The following CDKAL1 variants were observed in gnomAD, a reference collection of about 807,000 sequenced individuals.
CDKAL1 encodes the protein CDKAL1 threonylcarbamoyladenosine tRNA methylthiotransferase.
CDKAL1 carries 32 observed loss-of-function variants against 68.2 expected under a neutral mutation model. The observed-to-expected ratio is 0.47, with a 90% CI of 0.35 to 0.63. The LOEUF is 0.63. Ranked by LOEUF, CDKAL1 falls within the 30% of genes least tolerant of loss-of-function variation. The probability of loss-of-function intolerance (pLI) is 0.00; values close to 1 mark genes in which losing one functional copy is unlikely to be tolerated. For missense variants in CDKAL1, 606 were observed against 696.7 expected (o/e 0.87, Z 1.47); for synonymous variants, 234 against 244.3 (o/e 0.96, Z 0.39).
chr6:20,663,945 G>T (rs1463289602), intron 5 of CDKAL1, among the ~76,000 whole-genome samples: 1 of 151,774 alleles, frequency 6.6e-6, no homozygotes, highest in Non-Finnish European at 1.5e-5. Context: ...CACTAAGATG[G>T]AAATTTAATG....
intron 4 of CDKAL1, among the ~76,000 whole-genome samples, chr6:20,602,780 T>C (rs1581800107): frequency 6.6e-6 from 1 of 152,326 alleles, no homozygotes; most frequent in Non-Finnish European, 1.5e-5. Context: ...TTTTCTGGGC[T>C]GGGTTTGGAG....
chr6:20,650,483 A>C (rs550393417), intron 5 of CDKAL1, among the ~76,000 whole-genome samples: 223 of 152,226 alleles, frequency 1.5e-3, no homozygotes, highest in African/African-American at 5.1e-3. Context: ...GATAGATTGC[A>C]AAAATTTTCT....
At chr6:20,930,270 A>G (rs1581851491) in intron 9 of CDKAL1, among the ~76,000 whole-genome samples, 1 of 146,950 alleles carries the variant, frequency 6.8e-6, no homozygotes, top group Non-Finnish European at 1.5e-5. Context: ...AAAAAAAAAA[A>G]TTAACTTGTT....
chr6:20,885,685 A>G (rs900836656), intron 9 of CDKAL1, among the ~76,000 whole-genome samples: 2 of 152,208 alleles, frequency 1.3e-5, no homozygotes, highest in African/African-American at 4.8e-5. Context: ...ACTGTCATGT[A>G]TCAAAGGATA....
chr6:20,921,461 G>C (rs887343982), intron 9 of CDKAL1, among the ~76,000 whole-genome samples: 2 of 152,064 alleles, frequency 1.3e-5, no homozygotes, highest in Non-Finnish European at 2.9e-5. Flanking sequence ...ACAAACAAAT[G>C]AACTAAGGCT....
chr6:20,586,990 T>TTG (rs1274792495), intron 4 of CDKAL1, among the ~76,000 whole-genome samples: 9 of 128,646 alleles, frequency 7.0e-5, no homozygotes, highest in African/African-American at 2.6e-4. Context: ...TTTTTTTTTT[T>TTG]TTTTTTTTTT....
intron 5 of CDKAL1, among the ~76,000 whole-genome samples, chr6:20,658,030 AG>A (rs1769109177): frequency 1.3e-5 from 2 of 152,224 alleles, no homozygotes; most frequent in African/African-American, 4.8e-5. Flanking sequence ...TAAATAAAAA[AG>A]ATCAAAAGTT....
intron 11 of CDKAL1, among the ~76,000 whole-genome samples, chr6:21,032,228 G>A (rs531436396): frequency 6.6e-6 from 1 of 152,196 alleles, no homozygotes; most frequent in South Asian, 2.1e-4. Flanking sequence ...CTTTGTATTT[G>A]TATTGAATGT....
chr6:20,595,566 A>G (rs981435029), intron 4 of CDKAL1, among the ~76,000 whole-genome samples: 1 of 151,848 alleles, frequency 6.6e-6, no homozygotes, highest in African/African-American at 2.4e-5. Context: ...CTAGTTAGCA[A>G]TTCCTCTCAC....
chr6:20,744,282 A>C (rs1247271648), intron 6 of CDKAL1, among the ~76,000 whole-genome samples: 1 of 152,190 alleles, frequency 6.6e-6, no homozygotes, highest in African/African-American at 2.4e-5. Context: ...ATGTTCTCTT[A>C]ACATTTGCAG....
intron 13 of CDKAL1, among the ~76,000 whole-genome samples, chr6:21,146,651 G>C (rs1582298059): frequency 6.6e-6 from 1 of 151,972 alleles, no homozygotes; most frequent in Non-Finnish European, 1.5e-5. Context: ...GAGATCGAGA[G>C]CATCCTGGCT....
chr6:20,978,054 T>C (rs999133608), intron 10 of CDKAL1, among the ~76,000 whole-genome samples: 14 of 152,232 alleles, frequency 9.2e-5, no homozygotes, highest in Non-Finnish European at 2.1e-4. Flanking sequence ...AATTTTGATA[T>C]AGGGAATACT....
intron 5 of CDKAL1, among the ~76,000 whole-genome samples, chr6:20,717,018 G>C (rs1772129957): frequency 6.6e-6 from 1 of 152,082 alleles, no homozygotes; most frequent in Non-Finnish European, 1.5e-5. Context: ...AAGTGTTGCT[G>C]AGAAATTGAG....
intron 13 of CDKAL1, among the ~76,000 whole-genome samples, chr6:21,169,106 A>G (rs2151072697): frequency 6.6e-6 from 1 of 152,320 alleles, no homozygotes; most frequent in South Asian, 2.1e-4. Context: ...GATGAAAGAA[A>G]TACGGGCAGA....
chr6:21,135,638 T>G (rs1775554035), intron 13 of CDKAL1: 2 of 950,266 alleles, frequency 2.1e-6, no homozygotes, highest in African/African-American at 3.5e-5. Flanking sequence ...ATTTTCTTCT[T>G]CCAGCAACAT....
intron 12 of CDKAL1, among the ~76,000 whole-genome samples, chr6:21,071,098 T>C (rs946722564): frequency 2.6e-5 from 4 of 152,256 alleles, no homozygotes; most frequent in African/African-American, 7.2e-5. Context: ...TGAATTTTCA[T>C]AGATTTCCAT....
chr6:20,999,589 G>A (rs978537457), intron 10 of CDKAL1, among the ~76,000 whole-genome samples: 2 of 149,124 alleles, frequency 1.3e-5, no homozygotes, highest in African/African-American at 5.0e-5. Context: ...GTGCCCAGTG[G>A]TGAAGTGGCT....
chr6:20,723,993 T>A (rs1013154421), intron 5 of CDKAL1, among the ~76,000 whole-genome samples: 4 of 152,170 alleles, frequency 2.6e-5, no homozygotes, highest in Admixed American at 6.5e-5. Flanking sequence ...AGTGCAGTGG[T>A]ATGATCTTGA....
chr6:20,632,434 C>T (rs772562938), intron 4 of CDKAL1, among the ~76,000 whole-genome samples: 1 of 152,094 alleles, frequency 6.6e-6, no homozygotes, highest in Non-Finnish European at 1.5e-5. Flanking sequence ...AATTATAAGT[C>T]GAATCATTGT....
Sources: allele counts gnomAD v4.1 joint callset (sites outside exome capture counted in the v4.1 genomes callset), GRCh38; gene constraint gnomAD v4.1.1; transcripts MANE v1.5; gene names NCBI Gene and HGNC (gene_info 2026-07-23, HGNC 2026-07-21).